SBF2: variants seen among roughly 807,000 people sequenced by gnomAD.
SBF2 encodes the protein SET binding factor 2.
Under a neutral mutation model 225.2 loss-of-function variants are expected in SBF2, and 112 were observed. The ratio of observed to expected loss-of-function variants is 0.50; its 90% CI spans 0.43 to 0.58. The LOEUF (loss-of-function observed/expected upper bound fraction) is 0.58, where lower values mean the gene tolerates loss of function less well. Ranked by LOEUF, SBF2 falls within the 20% of genes least tolerant of loss-of-function variation. The pLI is 0.00. For synonymous variants in SBF2, 763 were observed against 773.3 expected (o/e 0.99, Z 0.22); for missense variants, 1,996 against 2,206.2 (o/e 0.90, Z 1.91).
rs1355762197 is a variant in SBF2, at chr11:9,998,251, A to G, written c.975+15T>C. ...TAAATAAAGAGAAAGTTACTATTAC[A>G]AAAATATGTCATACCAAAGAAAGAG... On this transcript the variant is annotated intron_variant, in intron 9 of 39. Coordinates refer to ENST00000256190, the MANE Select transcript of SBF2 (RefSeq NM_030962.4). 1 of 1,440,590 alleles carries G rather than the reference A, an allele frequency of 6.9e-7. No homozygotes were observed. Among genetic ancestry groups the G allele is most frequent in the Admixed American group, 1.7e-5 (1 of 59,542 alleles). 89.2% of individuals were successfully genotyped at this position (1,440,590 alleles called of 1,614,324 possible).
At chr11:10,001,528 A>ATT (rs1316237736) in intron 7 of SBF2, among the ~76,000 whole-genome samples, 1 of 146,608 alleles carries the variant, frequency 6.8e-6, no homozygotes. Flanking sequence ...TTAAAAATAA[A>ATT]TTTTTTTTTT....
In SBF2 at chr11:9,812,822, G is replaced by T. The variant is rs934203662; in HGVS notation, c.3979-114C>A. On this transcript the variant is annotated intron_variant, in intron 29 of 39. Transcript: ENST00000256190. ...TTATTTGGGGCCAAATAGCTGCAGA[G>T]GCTGCCAATGGGTCAAGAAAGTCAA... 4 of 1,008,520 alleles carry T rather than the reference G, an allele frequency of 4.0e-6. No individual in the cohort carries two copies. In the Admixed American group the frequency reaches 7.8e-5, roughly 20 times the overall value. 62.5% of individuals were successfully genotyped at this position (1,008,520 alleles called of 1,614,324 possible). A position where few individuals can be genotyped will look rare whatever the true frequency, so the allele number is the denominator to read the frequency against.
chr11:9,871,699 G>A (rs1173673197), intron 17 of SBF2, among the ~76,000 whole-genome samples: 1 of 152,026 alleles, frequency 6.6e-6, no homozygotes. Context: ...CACCGTGTTA[G>A]CCAGGATTGT....
In SBF2 at chr11:9,850,131, C is replaced by A; in HGVS notation, c.2698G>T (p.Glu900Ter). The stretch of plus-strand genomic sequence containing the variant: ...CCTCCAAGAAGACCTCCAGTAGCTT[C>A]TTCTCTTCCATCAGGATCCAGCAAG... ...RVLLDPDGREEATGGLLGGPQ... is the reference protein window; with the variant it reads ...RVLLDPDGRE The change falls in exon 22 of 40, where the codon GAA (glutamate) becomes TAA (stop). Residue 900 changes from glutamate (E) to a stop codon, truncating the protein, a stop_gained. Coordinates refer to ENST00000256190, the MANE Select transcript of SBF2 (RefSeq NM_030962.4). LOFTEE classifies it high-confidence loss of function. 1 of 1,614,110 alleles carries A rather than the reference C, an allele frequency of 6.2e-7. No individual in the cohort carries two copies. Among genetic ancestry groups the A allele is most frequent in the South Asian group, 1.1e-5 (1 of 91,086 alleles).
At chr11:10,114,285 GA>G (rs1483109477) in intron 2 of SBF2, among the ~76,000 whole-genome samples, 1 of 151,750 alleles carries the variant, frequency 6.6e-6, no homozygotes, top group East Asian at 1.9e-4. Flanking sequence ...ACTTTATTTG[GA>G]ACTCAGCATC....
At chr11:10,165,735 T>C (rs1777571435) in intron 2 of SBF2, among the ~76,000 whole-genome samples, 1 of 152,322 alleles carries the variant, frequency 6.6e-6, no homozygotes, top group South Asian at 2.1e-4. Context: ...GCCTAAGTTC[T>C]AGAAATTTTT....
intron 2 of SBF2, among the ~76,000 whole-genome samples, chr11:10,065,249 G>A (rs1050878488): frequency 1.3e-5 from 2 of 152,194 alleles, no homozygotes; most frequent in South Asian, 4.1e-4. Flanking sequence ...ATAAAAATTT[G>A]TAGGATGCTA....
chr11:10,076,014 A>G (rs189430031), intron 2 of SBF2, among the ~76,000 whole-genome samples: 1 of 152,346 alleles, frequency 6.6e-6, no homozygotes, highest in Non-Finnish European at 1.5e-5. Context: ...ATCCAAGAAG[A>G]AACATGAGAG....
chr11:10,233,109 A>T (rs1958923155), intron 1 of SBF2, among the ~76,000 whole-genome samples: 1 of 152,172 alleles, frequency 6.6e-6, no homozygotes, highest in African/African-American at 2.4e-5. Context: ...GCCACATACG[A>T]AGACCTATTT....
chr11:10,182,532 T>C (rs1473273596), intron 2 of SBF2, among the ~76,000 whole-genome samples: 1 of 152,170 alleles, frequency 6.6e-6, no homozygotes, highest in Non-Finnish European at 1.5e-5. Flanking sequence ...AGAAGTCTTA[T>C]TGTCAAAATC....
intron 6 of SBF2, among the ~76,000 whole-genome samples, chr11:10,014,264 T>C (rs1364880452): frequency 6.6e-6 from 1 of 152,176 alleles, no homozygotes; most frequent in African/African-American, 2.4e-5. Context: ...TGTACATATA[T>C]ACATACACAT....
chr11:9,974,247 G>C (rs900457047), intron 13 of SBF2, among the ~76,000 whole-genome samples: 1 of 151,984 alleles, frequency 6.6e-6, no homozygotes, highest in Non-Finnish European at 1.5e-5. Flanking sequence ...CCTAATTCAG[G>C]GTTTCTCAAC....
At chr11:10,276,725 T>C (rs1412164239) in intron 1 of SBF2, among the ~76,000 whole-genome samples, 3 of 152,198 alleles carry the variant, frequency 2.0e-5, no homozygotes, top group Non-Finnish European at 4.4e-5. Context: ...AATGCAATAA[T>C]GTGAACACAC....
intron 13 of SBF2, among the ~76,000 whole-genome samples, chr11:9,977,929 A>T (rs1946775120): frequency 6.6e-6 from 1 of 152,224 alleles, no homozygotes; most frequent in African/African-American, 2.4e-5. Context: ...GAGGTGCTTC[A>T]AAGGGAAATG....
At chr11:10,047,785 T>C (rs1949921306) in intron 2 of SBF2, among the ~76,000 whole-genome samples, 2 of 152,158 alleles carry the variant, frequency 1.3e-5, no homozygotes, top group Admixed American at 1.3e-4. Flanking sequence ...GTACCTTAAT[T>C]AGCAAATCAG....
In SBF2 at chr11:10,100,214, C is replaced by T. The variant is rs1397678227; in HGVS notation, c.142-57233G>A. On this transcript the variant is annotated intron_variant, in intron 2 of 39. Coordinates refer to ENST00000256190, the MANE Select transcript of SBF2 (RefSeq NM_030962.4). Reference sequence around the variant, plus strand: ...TGAGTAATTATAAAACTCCAATCTCCTGCAAAACTGGCTCTGTGTTAATTA... The same window carrying T: ...TGAGTAATTATAAAACTCCAATCTCTTGCAAAACTGGCTCTGTGTTAATTA... Among the ~76,000 whole-genome samples the T allele has an allele frequency of 2.6e-5, 4 of 152,212 alleles. No homozygotes were observed. The South Asian group carries it at 6.2e-4, about 24-fold the overall frequency.
At position 9,789,262 on chromosome 11, in the gene SBF2, G is replaced by T. The variant is rs1054455232; in HGVS notation, c.4779C>A (p.Ser1593=). ...YIEETLSTGP[S]YDWMMLTPKH... Reference sequence around the variant, plus strand: ...TGGGGGTTAGCATCATCCAGTCATAGGAAGGGCCTGTGGACAGGGTCTCTT... The same window carrying T: ...TGGGGGTTAGCATCATCCAGTCATATGAAGGGCCTGTGGACAGGGTCTCTT... The change falls in exon 35 of 40, where the codon TCC becomes TCA. Residue 1593 remains serine (S), a synonymous_variant. Transcript: ENST00000256190. 6.2e-7 allele frequency: 1 copy of T among 1,614,104 alleles called. No homozygotes were observed. Among genetic ancestry groups the T allele is most frequent in the Non-Finnish European group, 8.5e-7 (1 of 1,180,054 alleles).
chr11:9,809,129 TA>T, intron 30 of SBF2, 127 bp from the exon 31 acceptor site: 1 of 677,966 alleles, frequency 1.5e-6, no homozygotes, highest in Non-Finnish European at 2.7e-6. Flanking sequence ...AAGAACCACA[TA>T]ATGTTTTAAA....
At position 10,050,722 on chromosome 11, in the gene SBF2, A is replaced by G. The variant is rs117484041; in HGVS notation, c.142-7741T>C. 7.8e-3 allele frequency among the ~76,000 whole-genome samples: 1,182 copies of G among 152,272 alleles called. 6 individuals are homozygous for G. The highest frequency in any genetic ancestry group is 0.011 in the Non-Finnish European group (773 of 67,970). On this transcript the variant is annotated intron_variant, in intron 2 of 39. Coordinates refer to ENST00000256190, the MANE Select transcript of SBF2 (RefSeq NM_030962.4). Reference sequence around the variant, plus strand: ...TATTGACCTTCTGATGGTAAATCAGATAAGATGGCTACTAAGTGACTAATG... The same window carrying G: ...TATTGACCTTCTGATGGTAAATCAGGTAAGATGGCTACTAAGTGACTAATG...
Sources: allele counts gnomAD v4.1 joint callset (sites outside exome capture counted in the v4.1 genomes callset), GRCh38; gene constraint gnomAD v4.1.1; transcripts MANE v1.5; gene names NCBI Gene and HGNC (gene_info 2026-07-23, HGNC 2026-07-21).